Variants in FAM177B observed in about 807,000 individuals in gnomAD.
FAM177B encodes the protein family with sequence similarity 177 member B.
In FAM177B, 16 loss-of-function variants were observed where a neutral mutation model predicts 16.1. The ratio of observed to expected loss-of-function variants is 0.99; its 90% CI spans 0.67 to 1.51. The LOEUF (loss-of-function observed/expected upper bound fraction) is 1.51, where lower values mean the gene tolerates loss of function less well. Among genes scored for constraint, FAM177B ranks in the 40% most tolerant of loss-of-function variants. The probability of loss-of-function intolerance (pLI) is 0.00; values close to 1 mark genes in which losing one functional copy is unlikely to be tolerated. For synonymous variants in FAM177B, 56 were observed against 59.9 expected (o/e 0.93, Z 0.30); for missense variants, 178 against 183.7 (o/e 0.97, Z 0.18).
intron 4 of FAM177B, chr1:222,748,860 G>A (rs35912583): frequency 8.0e-5 from 28 of 349,298 alleles, no homozygotes; most frequent in African/African-American, 4.3e-4. Flanking sequence ...GAAGGCTGTC[G>A]GAAATCCTCT....
intron 2 of FAM177B, chr1:222,739,748 A>G (rs899116885): frequency 3.3e-5 from 5 of 152,232 alleles, no homozygotes; most frequent in East Asian, 3.8e-4. Flanking sequence ...TTTATCATCT[A>G]TTGAACAATT....
intron 2 of FAM177B, among the ~76,000 whole-genome samples, chr1:222,742,182 A>G (rs2125060480): frequency 6.6e-6 from 1 of 152,096 alleles, no homozygotes. Flanking sequence ...CTTTTCTTTC[A>G]TATTAAATAT....
chr1:222,741,900 C>A, intron 2 of FAM177B, among the ~76,000 whole-genome samples: 1 of 44,930 alleles, frequency 2.2e-5, no homozygotes, highest in Admixed American at 2.1e-4. Context: ...CTCCCTCCCT[C>A]CCTCCCTCTC....
rs528059681 is a variant in FAM177B at position 222,750,469 on chromosome 1, G to A, written c.*411G>A. The A allele has an allele frequency of 1.3e-5, 13 of 993,904 alleles. No individual in the cohort carries two copies. The highest frequency in any genetic ancestry group is 2.2e-4 in the East Asian group (2 of 9,060). The allele number at this position is 993,904 out of a possible 1,614,324, so 61.6% of individuals were successfully genotyped here. A position where few individuals can be genotyped will look rare whatever the true frequency, so the allele number is the denominator to read the frequency against. On this transcript the variant is annotated 3_prime_UTR_variant, in exon 6 of 6. Transcript: ENST00000445590. ...TTCCTCAGAAGAAAATTTGGGCACC[G>A]CAAAGTCTAAATAAATCCCCTTTCA...
Position 222,737,519 on chromosome 1 carries a change from C to T in FAM177B, c.-134+197C>T, listed in dbSNP as rs138745675. On this transcript the variant is annotated intron_variant, in intron 1 of 5. Coordinates refer to ENST00000445590, the MANE Select transcript of FAM177B (RefSeq NM_001394345.1). ...GAGAGCTCTCTGCAGAGAGAGAGGGCGGACCTGTGTGGTCAGGGAATTGCA... is the reference window on the plus strand; with the variant it reads ...GAGAGCTCTCTGCAGAGAGAGAGGGTGGACCTGTGTGGTCAGGGAATTGCA... Among the ~76,000 whole-genome samples, 889 of 152,166 alleles carry T rather than the reference C, an allele frequency of 5.8e-3. 4 individuals carry two copies. The highest frequency in any genetic ancestry group is 9.6e-3 in the Non-Finnish European group (656 of 67,998).
At chr1:222,749,811 C>A in intron 5 of FAM177B, 110 bp from the exon 6 acceptor site, 1 of 1,191,010 alleles carries the variant, frequency 8.4e-7, no homozygotes, top group Non-Finnish European at 1.2e-6. Flanking sequence ...GGTGAGAAGG[C>A]TCAGATTGCT....
chr1:222,743,402 C>A (rs989524540), intron 2 of FAM177B, among the ~76,000 whole-genome samples: 2 of 152,076 alleles, frequency 1.3e-5, no homozygotes, highest in African/African-American at 4.8e-5. Context: ...ATGCGATCCA[C>A]CCGCCTTGCC....
chr1:222,741,861 T>C (rs1354857638), intron 2 of FAM177B, among the ~76,000 whole-genome samples: 3 of 146,050 alleles, frequency 2.1e-5, no homozygotes, highest in Non-Finnish European at 4.5e-5. Flanking sequence ...TTCCTTCCTT[T>C]CTTCTTTCTT....
intron 2 of FAM177B, among the ~76,000 whole-genome samples, chr1:222,742,117 C>G (rs1658580810): frequency 6.6e-6 from 1 of 151,920 alleles, no homozygotes; most frequent in African/African-American, 2.4e-5. Flanking sequence ...GTATTCACTT[C>G]TGAAACTACT....
intron 5 of FAM177B, 125 bp downstream of exon 5, chr1:222,749,687 A>T: frequency 2.7e-6 from 2 of 734,912 alleles, no homozygotes; most frequent in Non-Finnish European, 4.6e-6. Context: ...CCAAGCTCCC[A>T]TAGTCAGACT....
At chr1:222,740,489 T>G (rs1658472985) in intron 2 of FAM177B, among the ~76,000 whole-genome samples, 1 of 152,170 alleles carries the variant, frequency 6.6e-6, no homozygotes, top group African/African-American at 2.4e-5. Context: ...CTTTTTTATT[T>G]TCTTCTGCTG....
At chr1:222,742,834 T>C (rs183076579) in intron 2 of FAM177B, among the ~76,000 whole-genome samples, 2 of 152,278 alleles carry the variant, frequency 1.3e-5, no homozygotes, top group Admixed American at 6.5e-5. Flanking sequence ...TTTGTTCTTT[T>C]CCAAGTCAGT....
chr1:222,748,531 C>T (rs780506494), intron 4 of FAM177B, among the ~76,000 whole-genome samples: 102 of 152,144 alleles, frequency 6.7e-4, no homozygotes, highest in Non-Finnish European at 1.1e-3. Flanking sequence ...GCAGTCAGTG[C>T]TGTGGTCTGT....
chr1:222,740,438 A>T (rs1658470116), intron 2 of FAM177B, among the ~76,000 whole-genome samples: 8 of 151,736 alleles, frequency 5.3e-5, no homozygotes. Context: ...ATTTTTCCTT[A>T]CTGTTTCCTC....
intron 4 of FAM177B, among the ~76,000 whole-genome samples, chr1:222,748,346 A>G (rs891589271): frequency 6.6e-6 from 1 of 152,212 alleles, no homozygotes; most frequent in Non-Finnish European, 1.5e-5. Context: ...GCAAAACTCA[A>G]TATGGGATTG....
Position 222,749,925 on chromosome 1 carries a change from G to A in FAM177B, c.344G>A (p.Ser115Asn), listed in dbSNP as rs1658981414. The change falls in exon 6 of 6, where the codon AGT becomes AAT. Residue 115 changes from serine (S) to asparagine (N), a missense_variant. Coordinates refer to ENST00000445590, the MANE Select transcript of FAM177B (RefSeq NM_001394345.1). ...NEFYRIQNKK[S>N]DNKSERRGSK... ...CCTTATTTCTCTCCAAAACAGAAAA[G>A]TGACAACAAAAGTGAAAGGAGAGGA... is the stretch of plus-strand genomic sequence containing the variant. 1 of 1,614,106 alleles carries A rather than the reference G, an allele frequency of 6.2e-7. No individual in the cohort carries two copies. Among genetic ancestry groups the A allele is most frequent in the South Asian group, 1.1e-5 (1 of 91,084 alleles).
intron 2 of FAM177B, among the ~76,000 whole-genome samples, chr1:222,745,647 C>A (rs1023777246): frequency 1.3e-5 from 2 of 152,028 alleles, no homozygotes; most frequent in African/African-American, 4.8e-5. Context: ...TTAGGCTGCG[C>A]ACAGTGGCTC....
At chr1:222,746,945 T>C (rs1320003828) in intron 3 of FAM177B, 70 bp from the exon 4 acceptor site, 1 of 1,085,194 alleles carries the variant, frequency 9.2e-7, no homozygotes, top group East Asian at 2.4e-5. Context: ...TTGAAATCTC[T>C]ACATTAAAAC....
At chr1:222,749,878 T>G in intron 5 of FAM177B, 43 bp from the exon 6 acceptor site, 1 of 1,608,070 alleles carries the variant, frequency 6.2e-7, no homozygotes, top group Non-Finnish European at 8.5e-7. Flanking sequence ...TCAGAGGTCT[T>G]TGTTTGTACA....
Sources: gnomAD v4.1 joint callset for allele counts (sites outside exome capture counted in the v4.1 genomes callset) on GRCh38, gnomAD v4.1.1 for gene constraint, MANE v1.5 for transcripts, NCBI Gene and HGNC (gene_info 2026-07-23, HGNC 2026-07-21) for gene names.